The following CMPK2 variants were observed in gnomAD, a reference collection of about 807,000 sequenced individuals.
CMPK2 encodes cytidine/uridine monophosphate kinase 2.
A neutral mutation model predicts 33.4 loss-of-function variants in CMPK2; 32 were observed. The observed-to-expected ratio is 0.96, with a 90% CI of 0.72 to 1.29. The LOEUF (loss-of-function observed/expected upper bound fraction) is 1.29. Among genes scored for constraint, CMPK2 ranks in the 50% most tolerant of loss-of-function variants. The pLI is 0.00. For synonymous variants in CMPK2, 299 were observed against 275.3 expected (o/e 1.09, Z -0.85); for missense variants, 672 against 616.0 (o/e 1.09, Z -0.96).
chr2:6,865,895 C>T lies in CMPK2; in HGVS notation c.-199G>A. 7.1e-7 allele frequency: 1 copy of T among 1,409,362 alleles called. No homozygotes were observed. The highest frequency in any genetic ancestry group is 1.4e-5 in the South Asian group (1 of 72,254). The allele number at this position is 1,409,362 out of a possible 1,614,324, so 87.3% of individuals were successfully genotyped here. A position where few individuals can be genotyped will look rare whatever the true frequency, so the allele number is the denominator to read the frequency against. ...GGGCGCCCTTCCGGCCTCTCCTCCT[C>T]GCCGCGAGATGTGCGCGATAAACGG... On this transcript the variant is annotated 5_prime_UTR_variant, in exon 1 of 5. Coordinates refer to ENST00000256722, the MANE Select transcript of CMPK2 (RefSeq NM_207315.4).
rs1038973783 is a variant in CMPK2 at position 6,848,345 on chromosome 2, C to T, written c.*1505G>A. The T allele has an allele frequency of 2.0e-5, 20 of 984,914 alleles. No individual in the cohort carries two copies. Among genetic ancestry groups the T allele is most frequent in the Non-Finnish European group, 2.4e-5 (20 of 829,568 alleles). 61.0% of individuals were successfully genotyped at this position (984,914 alleles called of 1,614,324 possible). On this transcript the variant is annotated 3_prime_UTR_variant, in exon 5 of 5. Coordinates refer to ENST00000256722, the MANE Select transcript of CMPK2 (RefSeq NM_207315.4). ...TTAGTAAACCACAGCAAAGTTTATT[C>T]ATGTGCCAGGGACATAAAGATACAT...
chr2:6,850,062 T>G (rs919645904), intron 4 of CMPK2, 89 bp from the exon 5 acceptor site: 1 of 994,928 alleles, frequency 1.0e-6, no homozygotes, highest in Non-Finnish European at 1.5e-6. Context: ...TATAAATAGC[T>G]TGAAGCAAGC....
In CMPK2 at chr2:6,865,216, A is replaced by G. The variant is rs748836528; in HGVS notation, c.481T>C (p.Leu161=). 1 of 1,534,892 alleles carries G rather than the reference A, an allele frequency of 6.5e-7. No individual in the cohort carries two copies. Among genetic ancestry groups the G allele is most frequent in the Admixed American group, 1.9e-5 (1 of 51,682 alleles). Residue 161 remains leucine, a synonymous_variant, in exon 1 of 5, where the codon TTG becomes CTG. Transcript: ENST00000256722. ...CGCGGGTCGGCCTCGAACTCGCCCA[A>G]GTGCGGGCGTGGTGCCTCCTGACAG... ...GACQEAPRPH[L]GEFEADPRGQ...
downstream of CMPK2, among the ~76,000 whole-genome samples, chr2:6,846,256 T>C (rs986273311): frequency 6.6e-6 from 1 of 152,194 alleles, no homozygotes; most frequent in African/African-American, 2.4e-5. Flanking sequence ...AAAAGAACTG[T>C]TTAAATTCAC....
chr2:6,858,974 A>T (rs1026542422), intron 3 of CMPK2, among the ~76,000 whole-genome samples: 1 of 152,236 alleles, frequency 6.6e-6, no homozygotes, highest in African/African-American at 2.4e-5. Flanking sequence ...TTTGACCAAA[A>T]TGCTGATAAT....
rs1363662951 is a variant in CMPK2, at chr2:6,865,417, G to A, written c.280C>T (p.Leu94=). 5 of 1,321,626 alleles carry A rather than the reference G, an allele frequency of 3.8e-6. No homozygotes were observed. The highest frequency in any genetic ancestry group is 1.5e-5 in the African/African-American group (1 of 64,612). 81.9% of individuals were successfully genotyped at this position (1,321,626 alleles called of 1,614,324 possible). Residue 94 remains leucine (L), a synonymous_variant, in exon 1 of 5, where the codon CTG becomes TTG. Transcript: ENST00000256722. ...GCGARVRAAR[L]HQRLLHQLRR... is the part of the protein sequence containing the mutation. The stretch of plus-strand genomic sequence containing the variant: ...AGCTGGTGCAGCAGGCGCTGGTGCA[G>A]CCGCGCCGCCCGGACCCGGGCCCCG...
In CMPK2 at chr2:6,851,617, G is replaced by A. The variant is rs1268266555; in HGVS notation, c.1059C>T (p.Pro353=). 1.2e-6 allele frequency: 2 copies of A among 1,614,032 alleles called. No individual in the cohort carries two copies. Among genetic ancestry groups the A allele is most frequent in the African/African-American group, 2.7e-5 (2 of 74,908 alleles). The change falls in exon 4 of 5, where the codon CCC becomes CCT. Residue 353 remains proline (P), a synonymous_variant. Transcript: ENST00000256722. ...ACTGGTACACAGGGTGATGGGCTGG[G>A]GGCAGGTGCTGGAGACCCCCACTCA... The part of the protein sequence containing the change: ...TEVSGGLQHL[P]PAHHPVYQWP...
chr2:6,858,215 T>C (rs1414282922), intron 3 of CMPK2, among the ~76,000 whole-genome samples: 1 of 152,168 alleles, frequency 6.6e-6, no homozygotes, highest in Non-Finnish European at 1.5e-5. Flanking sequence ...ATTTGCCTTT[T>C]TTTTTTTTAA....
rs2595167 is a variant in CMPK2, at chr2:6,848,841, T to C, written c.*1009A>G. 5 of 985,566 alleles carry C rather than the reference T, an allele frequency of 5.1e-6. 1 individual carries two copies. Among genetic ancestry groups the C allele is most frequent in the Middle Eastern group, 5.2e-4 (1 of 1,936 alleles). 61.1% of individuals were successfully genotyped at this position (985,566 alleles called of 1,614,324 possible). On this transcript the variant is annotated 3_prime_UTR_variant, in exon 5 of 5. Transcript: ENST00000256722. ...GTCAAAGCGATTTCATATGTAATCA[T>C]GAGACATTCAAGTGCAAGATAATTT... is the stretch of plus-strand genomic sequence containing the variant.
rs1662527376 is a variant in CMPK2 at position 6,851,603 on chromosome 2, G to C, written c.1073C>G (p.Pro358Arg). ...GLQHLPPAHH[P>R]VYQWPEDLLK... ...CAGGTCCTCTGGCCACTGGTACACA[G>C]GGTGATGGGCTGGGGGCAGGTGCTG... Residue 358 changes from proline (P) to arginine (R), a missense_variant, in exon 4 of 5, where the codon CCT becomes CGT. Physicochemically the swap from Pro to Arg is moderately radical, Grantham distance 103. Transcript: ENST00000256722. 1.2e-6 allele frequency: 2 copies of C among 1,614,186 alleles called. No homozygotes were observed. Among genetic ancestry groups the C allele is most frequent in the East Asian group, 4.5e-5 (2 of 44,880 alleles).
chr2:6,850,175 A>C (rs1043052819), intron 4 of CMPK2, among the ~76,000 whole-genome samples: 1 of 152,214 alleles, frequency 6.6e-6, no homozygotes, highest in African/African-American at 2.4e-5. Flanking sequence ...AATAGCTAGC[A>C]CTTGTTGAAT....
chr2:6,859,577 G>A (rs1662813525), intron 3 of CMPK2, among the ~76,000 whole-genome samples: 1 of 152,170 alleles, frequency 6.6e-6, no homozygotes, highest in Non-Finnish European at 1.5e-5. Flanking sequence ...ATTCAGAGGG[G>A]GAAAGCCCCA....
chr2:6,859,182 A>C (rs1276427066), intron 3 of CMPK2, among the ~76,000 whole-genome samples: 1 of 152,262 alleles, frequency 6.6e-6, no homozygotes, highest in Non-Finnish European at 1.5e-5. Flanking sequence ...TAAGCAGCAA[A>C]GCATTCAAGA....
intron 3 of CMPK2, among the ~76,000 whole-genome samples, chr2:6,855,103 C>T (rs1193375397): frequency 1.4e-5 from 2 of 146,366 alleles, no homozygotes; most frequent in East Asian, 2.4e-4. Flanking sequence ...TAGGTTGGTG[C>T]AAAAGTCATT....
rs1329009418 is a variant in CMPK2 at position 6,865,166 on chromosome 2, C to G, written c.531G>C (p.Trp177Cys). Reference protein sequence around the residue: ...DPRGQLWQRLWEVQDGRRLQV... With the variant: ...DPRGQLWQRLCEVQDGRRLQV... ...GCAGCCGCCTGCCGTCTTGCACCTCCCAGAGGCGCTGCCACAGCTGGCCGC... is the reference window on the plus strand; with the variant it reads ...GCAGCCGCCTGCCGTCTTGCACCTCGCAGAGGCGCTGCCACAGCTGGCCGC... The change falls in exon 1 of 5, where the codon TGG (tryptophan) becomes TGC (cysteine). Residue 177 changes from tryptophan (W) to cysteine (C), a missense_variant. Physicochemically the swap from Trp to Cys is radical, Grantham distance 215. Coordinates refer to ENST00000256722, the MANE Select transcript of CMPK2 (RefSeq NM_207315.4). The G allele has an allele frequency of 6.5e-7, 1 of 1,536,192 alleles. No homozygotes were observed. Among genetic ancestry groups the G allele is most frequent in the South Asian group, 1.2e-5 (1 of 83,146 alleles).
At chr2:6,865,935 C>G (rs145876640), upstream of CMPK2, 4,597 of 1,362,372 alleles carry the variant, frequency 3.4e-3, 157 homozygotes, top group African/African-American at 0.061. Flanking sequence ...CGCTCGGGAG[C>G]AGACGCTTGG....
intron 3 of CMPK2, among the ~76,000 whole-genome samples, chr2:6,860,735 T>C (rs1662849941): frequency 6.6e-6 from 1 of 152,214 alleles, no homozygotes; most frequent in Non-Finnish European, 1.5e-5. Flanking sequence ...ATCCTCTAAA[T>C]TGAGACTAGT....
At chr2:6,863,659 T>C (rs1452940895) in intron 1 of CMPK2, 81 bp from the exon 2 acceptor site, 2 of 967,912 alleles carry the variant, frequency 2.1e-6, no homozygotes, top group South Asian at 2.8e-5. Context: ...AGCACAATAT[T>C]GCCGCATGCT....
At chr2:6,846,816 G>C (rs1033945408), downstream of CMPK2, among the ~76,000 whole-genome samples, 1 of 152,130 alleles carries the variant, frequency 6.6e-6, no homozygotes, top group Non-Finnish European at 1.5e-5. Flanking sequence ...TGCAAGTAAA[G>C]GTGAAAGTTA....
Sources: allele counts gnomAD v4.1 joint callset (sites outside exome capture counted in the v4.1 genomes callset), GRCh38; gene constraint gnomAD v4.1.1; transcripts MANE v1.5; gene names NCBI Gene and HGNC (gene_info 2026-07-23, HGNC 2026-07-21).